PREX2: variants seen among roughly 807,000 people sequenced by gnomAD.
The protein encoded by PREX2 is phosphatidylinositol-3,4,5-trisphosphate dependent Rac exchange factor 2.
PREX2 carries 107 observed loss-of-function variants against 203.2 expected under a neutral mutation model. That is an observed-to-expected ratio of 0.53 (90% CI 0.45 to 0.62). PREX2 has a LOEUF of 0.62. PREX2 is among the 20% of genes least tolerant of loss of function. The pLI, the probability that PREX2 is intolerant of heterozygous loss-of-function variation, is 0.00. For missense variants in PREX2, 1,777 were observed against 1,955.9 expected, an observed-to-expected ratio of 0.91 and a Z score of 1.72; for synonymous variants, 672 against 663.6, an observed-to-expected ratio of 1.01 and a Z score of -0.19.
chr8:68,202,926 G>A (rs1307553705), intron 37 of PREX2, among the ~76,000 whole-genome samples: 2 of 152,096 alleles, frequency 1.3e-5, no homozygotes, highest in South Asian at 2.1e-4. Context: ...TCCAACTACC[G>A]GTCACACTCC....
At chr8:67,988,428 C>T (rs1349730883) in intron 1 of PREX2, among the ~76,000 whole-genome samples, 4 of 152,238 alleles carry the variant, frequency 2.6e-5, no homozygotes, top group Non-Finnish European at 5.9e-5. Flanking sequence ...GTCCTCCTCA[C>T]AGTCCTCACC....
At chr8:68,166,762 G>A (rs1290571215) in intron 35 of PREX2, among the ~76,000 whole-genome samples, 1 of 152,076 alleles carries the variant, frequency 6.6e-6, no homozygotes, top group Non-Finnish European at 1.5e-5. Flanking sequence ...CAGCCCAGGA[G>A]TTCAAGACCA....
In PREX2 at chr8:68,146,245, A is replaced by G; in HGVS notation, c.4124A>G (p.Gln1375Arg). 1.9e-6 allele frequency: 3 copies of G among 1,611,656 alleles called. No individual in the cohort carries two copies. The highest frequency in any genetic ancestry group is 2.5e-6 in the Non-Finnish European group (3 of 1,178,598). Reference protein sequence around the residue: ...PLTYQAEGSRQALKVYFYIDS... With the variant: ...PLTYQAEGSRRALKVYFYIDS... ...ACATATCAAGCAGAAGGAAGTCGGC[A>G]AGCTCTGAAAGTTTACTTCTACATT... Residue 1375 changes from glutamine to arginine, a missense_variant, in exon 34 of 40, where the codon CAA (glutamine) becomes CGA (arginine). By Grantham distance (43) the Gln-to-Arg change is conservative. Transcript: ENST00000288368.
intron 23 of PREX2, among the ~76,000 whole-genome samples, chr8:68,100,867 G>C (rs951625958): frequency 1.4e-4 from 21 of 152,308 alleles, no homozygotes; most frequent in African/African-American, 4.6e-4. Context: ...TGGAGAAATA[G>C]AGACTGGTAG....
chr8:68,100,398 G>A (rs930445672), intron 23 of PREX2, among the ~76,000 whole-genome samples: 2 of 152,204 alleles, frequency 1.3e-5, no homozygotes, highest in African/African-American at 4.8e-5. Context: ...GAGACAGCAA[G>A]TAAGTAAATA....
intron 15 of PREX2, among the ~76,000 whole-genome samples, chr8:68,077,965 A>G (rs929691792): frequency 6.6e-6 from 1 of 152,042 alleles, no homozygotes; most frequent in Admixed American, 6.5e-5. Context: ...ATTAAATGTT[A>G]ATTTTTTTTC....
intron 20 of PREX2, 127 bp downstream of exon 20, chr8:68,090,842 A>G (rs1809851269): frequency 5.0e-6 from 3 of 606,020 alleles, no homozygotes; most frequent in Middle Eastern, 4.5e-4. Flanking sequence ...ACACAGCATT[A>G]TAAATCTCAT....
intron 35 of PREX2, among the ~76,000 whole-genome samples, chr8:68,190,263 T>C (rs549123059): frequency 6.6e-6 from 1 of 152,320 alleles, no homozygotes; most frequent in South Asian, 2.1e-4. Flanking sequence ...ACTTATTTTG[T>C]TCCACCGACA....
At chr8:68,161,109 G>T (rs527877556) in intron 35 of PREX2, among the ~76,000 whole-genome samples, 134 of 150,224 alleles carry the variant, frequency 8.9e-4, no homozygotes, top group Non-Finnish European at 1.6e-3. Flanking sequence ...TTTTTTTTGG[G>T]GGGGGGACAG....
Position 68,069,141 on chromosome 8 carries a change from C to T in PREX2, c.1443+5C>T, listed in dbSNP as rs188448886. The stretch of plus-strand genomic sequence containing the variant: ...ATGCAGGACGTGATTTCAAAGGTAA[C>T]GACCTCTCCCACAACCTCTCCAATA... On this transcript the variant is annotated splice_donor_5th_base_variant and intron_variant, in intron 12 of 39. Coordinates refer to ENST00000288368, the MANE Select transcript of PREX2 (RefSeq NM_024870.4). 5.3e-5 allele frequency: 75 copies of T among 1,407,520 alleles called. 1 individual carries two copies. In the Middle Eastern group the frequency reaches 8.9e-4, roughly 17 times the overall value. The allele number at this position is 1,407,520 out of a possible 1,614,324, so 87.2% of individuals were successfully genotyped here.
chr8:68,002,569 T>C, intron 1 of PREX2, among the ~76,000 whole-genome samples: 1 of 152,234 alleles, frequency 6.6e-6, no homozygotes, highest in East Asian at 1.9e-4. Context: ...TGTGAACTTA[T>C]TGGTAATTTT....
At chr8:68,097,605 G>A (rs1008047081) in intron 22 of PREX2, among the ~76,000 whole-genome samples, 3 of 152,218 alleles carry the variant, frequency 2.0e-5, no homozygotes, top group Non-Finnish European at 2.9e-5. Context: ...GATTGCAGGC[G>A]TGAGCCGCTG....
intron 35 of PREX2, among the ~76,000 whole-genome samples, chr8:68,190,248 A>G (rs967058411): frequency 6.6e-6 from 1 of 152,136 alleles, no homozygotes; most frequent in Non-Finnish European, 1.5e-5. Flanking sequence ...CTCTAATATC[A>G]TGGGACTTAT....
intron 31 of PREX2, among the ~76,000 whole-genome samples, chr8:68,129,941 A>G (rs1159550314): frequency 6.6e-6 from 1 of 151,704 alleles, no homozygotes; most frequent in East Asian, 1.9e-4. Context: ...AGTAGCTGAA[A>G]GCAGATGTGA....
At chr8:68,185,229 G>A (rs2129614509) in intron 35 of PREX2, among the ~76,000 whole-genome samples, 1 of 151,936 alleles carries the variant, frequency 6.6e-6, no homozygotes, top group African/African-American at 2.4e-5. Context: ...TGTTAATTTT[G>A]TAGTGCTTCT....
At chr8:68,103,453 G>T in intron 23 of PREX2, 1 of 488,814 alleles carries the variant, frequency 2.0e-6, no homozygotes, top group Non-Finnish European at 4.1e-6. Flanking sequence ...ACCTGAAGTT[G>T]CATCTTCAGA....
chr8:68,108,644 A>G (rs1445561321), intron 24 of PREX2, among the ~76,000 whole-genome samples: 1 of 152,204 alleles, frequency 6.6e-6, no homozygotes, highest in Non-Finnish European at 1.5e-5. Context: ...TTTGAGGACA[A>G]TACCTGAGGA....
chr8:68,061,087 G>A (rs758491080), intron 11 of PREX2, among the ~76,000 whole-genome samples: 13 of 152,152 alleles, frequency 8.5e-5, no homozygotes, highest in Non-Finnish European at 1.5e-4. Context: ...CATGGAGGAC[G>A]GGACATGACA....
At chr8:68,044,615 G>C in intron 8 of PREX2, 25 bp downstream of exon 8, 1 of 1,493,648 alleles carries the variant, frequency 6.7e-7, no homozygotes, top group Non-Finnish European at 9.3e-7. Context: ...GATTTTAAAT[G>C]GGATGCCAAT....
Sources: gnomAD v4.1 joint callset for allele counts (sites outside exome capture counted in the v4.1 genomes callset) on GRCh38, gnomAD v4.1.1 for gene constraint, MANE v1.5 for transcripts, NCBI Gene and HGNC (gene_info 2026-07-23, HGNC 2026-07-21) for gene names.